ASTN2: variants seen among roughly 807,000 people sequenced by gnomAD.
ASTN2 encodes the protein astrotactin-2.
In ASTN2, 54 loss-of-function variants were observed where a neutral mutation model predicts 139.8. The observed-to-expected ratio is 0.39, with a 90% CI of 0.31 to 0.48. The LOEUF is 0.48. ASTN2 is among the 20% of genes least tolerant of loss of function. ASTN2 has a pLI of 0.95. For synonymous variants in ASTN2, 756 were observed against 719.5 expected (o/e 1.05, Z -0.81); for missense variants, 1,565 against 1,725.1 (o/e 0.91, Z 1.64).
chr9:116,441,981 G>C (rs898705402), intron 21 of ASTN2, among the ~76,000 whole-genome samples: 1 of 152,206 alleles, frequency 6.6e-6, no homozygotes, highest in Admixed American at 6.5e-5. Flanking sequence ...AGGATTCTGA[G>C]ACCACCATGG....
intron 17 of ASTN2, among the ~76,000 whole-genome samples, chr9:116,625,589 T>A (rs1270705351): frequency 1.3e-5 from 2 of 152,218 alleles, no homozygotes; most frequent in African/African-American, 2.4e-5. Context: ...CACCTCTTGC[T>A]TGGAGCCTTT....
intron 1 of ASTN2, among the ~76,000 whole-genome samples, chr9:117,339,977 C>G (rs182150623): frequency 1.4e-3 from 220 of 151,782 alleles, no homozygotes; most frequent in African/African-American, 4.9e-3. Context: ...GGAACTGAGG[C>G]CTGTTGAGGA....
intron 17 of ASTN2, among the ~76,000 whole-genome samples, chr9:116,629,461 A>G (rs1046853978): frequency 6.6e-6 from 1 of 152,110 alleles, no homozygotes; most frequent in Non-Finnish European, 1.5e-5. Flanking sequence ...AGGTCAGAGA[A>G]GATACTGGAT....
intron 6 of ASTN2, among the ~76,000 whole-genome samples, chr9:117,028,612 C>T (rs2132629081): frequency 6.6e-6 from 1 of 152,166 alleles, no homozygotes; most frequent in South Asian, 2.1e-4. Context: ...TCCAGGCAGC[C>T]TTGGGAGCCT....
chr9:117,402,927 G>A (rs12553622), intron 1 of ASTN2, among the ~76,000 whole-genome samples: 28,910 of 151,980 alleles, frequency 0.19, 3,145 homozygotes, highest in East Asian at 0.39. Flanking sequence ...CCAGGTGAAC[G>A]AGGAATACAA....
At chr9:117,075,381 G>A (rs550423666) in intron 5 of ASTN2, among the ~76,000 whole-genome samples, 20 of 152,086 alleles carry the variant, frequency 1.3e-4, no homozygotes, top group African/African-American at 4.8e-4. Context: ...AGCTGAGAGA[G>A]GGAAGAGTCA....
At chr9:117,176,198 G>A (rs1019646205) in intron 3 of ASTN2, among the ~76,000 whole-genome samples, 1 of 152,070 alleles carries the variant, frequency 6.6e-6, no homozygotes, top group East Asian at 1.9e-4. Flanking sequence ...AATATAATAA[G>A]GGTTGTCGAG....
intron 1 of ASTN2, among the ~76,000 whole-genome samples, chr9:117,327,126 G>A (rs144801379): frequency 1.2e-4 from 18 of 152,184 alleles, no homozygotes; most frequent in African/African-American, 2.9e-4. Flanking sequence ...AATAGGGTTC[G>A]TGCTCCTATG....
chr9:117,159,680 C>T lies in ASTN2; in HGVS notation c.1016-18202G>A, dbSNP rs184744000. On this transcript the variant is annotated intron_variant, in intron 3 of 22. Coordinates refer to ENST00000313400, the MANE Select transcript of ASTN2 (RefSeq NM_001365068.1). Reference sequence around the variant, plus strand: ...TCTGATTTCCCCATCAAGACAACTTCATGAGATTTGTTTTTTATTACCATT... The same window carrying T: ...TCTGATTTCCCCATCAAGACAACTTTATGAGATTTGTTTTTTATTACCATT... Among the ~76,000 whole-genome samples, 859 of 152,158 alleles carry T rather than the reference C, an allele frequency of 5.6e-3. 6 individuals are homozygous for T. The highest frequency in any genetic ancestry group is 5.8e-3 in the Non-Finnish European group (397 of 67,964).
intron 20 of ASTN2, among the ~76,000 whole-genome samples, chr9:116,457,257 A>C (rs2118950041): frequency 6.6e-6 from 1 of 152,310 alleles, no homozygotes; most frequent in African/African-American, 2.4e-5. Flanking sequence ...TACTACAAGA[A>C]AACACTGGGG....
At chr9:117,118,353 G>A (rs1291511688) in intron 4 of ASTN2, among the ~76,000 whole-genome samples, 4 of 151,518 alleles carry the variant, frequency 2.6e-5, no homozygotes, top group Non-Finnish European at 4.4e-5. Flanking sequence ...AGTCATCACT[G>A]ATCCCTTTTT....
chr9:117,001,940 G>A (rs975997609), intron 7 of ASTN2, among the ~76,000 whole-genome samples: 6 of 152,226 alleles, frequency 3.9e-5, no homozygotes, highest in Admixed American at 6.5e-5. Flanking sequence ...TCAACACACC[G>A]ACTTATGAGT....
chr9:117,414,609 A>G lies in ASTN2; in HGVS notation c.330T>C (p.Ser110=). Residue 110 remains serine (S), a synonymous_variant, in exon 1 of 23, where the codon TCT becomes TCC. Transcript: ENST00000313400. This position sits in a 1 kb window ranked among gnomAD's most constrained non-coding sequence, Gnocchi z 4.2. ...GGCGCGACTCGGCGGCGGTGCCGGC[A>G]GAGCCAGGAGAGCCCGGGGACGCGG... is the stretch of plus-strand genomic sequence containing the variant. ...AAAASPGSPG[S]AGTAAESRLL... The G allele has an allele frequency of 6.5e-7, 1 of 1,541,674 alleles. No individual in the cohort carries two copies. The highest frequency in any genetic ancestry group is 8.7e-7 in the Non-Finnish European group (1 of 1,150,168).
intron 12 of ASTN2, among the ~76,000 whole-genome samples, chr9:116,809,376 G>A (rs112568284): frequency 2.6e-5 from 4 of 151,504 alleles, no homozygotes; most frequent in Admixed American, 6.6e-5. Context: ...TTTTTTACAC[G>A]TGCAATCCCT....
At chr9:116,739,534 A>G (rs1829042426) in intron 13 of ASTN2, among the ~76,000 whole-genome samples, 2 of 152,122 alleles carry the variant, frequency 1.3e-5, no homozygotes, top group Non-Finnish European at 2.9e-5. Context: ...CCTACTCATC[A>G]TTCAGACCAT....
Position 116,725,704 on chromosome 9 carries a change from G to T in ASTN2, c.2806+67C>A, listed in dbSNP as rs1053863450. The T allele has an allele frequency of 4.0e-6, 6 of 1,505,332 alleles. No individual in the cohort carries two copies. The Admixed American group carries it at 7.8e-5, about 20-fold the overall frequency. 93.2% of individuals were successfully genotyped at this position (1,505,332 alleles called of 1,614,324 possible). A position where few individuals can be genotyped will look rare whatever the true frequency, so the allele number is the denominator to read the frequency against. ...GATTTAGATCCAAGGCAGCTCAGTT[G>T]TCTCCCCAGACCCCTTGCCTCTATA... On this transcript the variant is annotated intron_variant, in intron 16 of 22. Coordinates refer to ENST00000313400, the MANE Select transcript of ASTN2 (RefSeq NM_001365068.1).
chr9:117,260,274 T>C (rs1175454684), intron 2 of ASTN2, among the ~76,000 whole-genome samples: 2 of 152,188 alleles, frequency 1.3e-5, no homozygotes, highest in South Asian at 2.1e-4. Flanking sequence ...CTTTGAGCAA[T>C]CTGTCATGTG....
intron 19 of ASTN2, among the ~76,000 whole-genome samples, chr9:116,594,353 T>C (rs541976413): frequency 6.6e-6 from 1 of 152,318 alleles, no homozygotes; most frequent in African/African-American, 2.4e-5. Context: ...ATCTTCTACC[T>C]TGAATTACAG....
intron 1 of ASTN2, among the ~76,000 whole-genome samples, chr9:117,401,165 G>A (rs1260529826): frequency 6.6e-6 from 1 of 152,180 alleles, no homozygotes; most frequent in Non-Finnish European, 1.5e-5. Context: ...TCCATCAGAA[G>A]TGGTGTTCAC....
Sources: allele counts gnomAD v4.1 joint callset (sites outside exome capture counted in the v4.1 genomes callset), GRCh38; gene constraint gnomAD v4.1.1; non-coding constraint Gnocchi (gnomAD v3.1); transcripts MANE v1.5; gene names NCBI Gene and HGNC (gene_info 2026-07-23, HGNC 2026-07-21).